B3GALT1: variants seen among roughly 807,000 people sequenced by gnomAD.
B3GALT1 encodes the protein beta-1,3-galactosyltransferase 1, also known as UDP-Gal:betaGlcNAc beta 1,3-galactosyltransferase, polypeptide 1.
A neutral mutation model predicts 23.2 loss-of-function variants in B3GALT1; 10 were observed. The ratio of observed to expected loss-of-function variants is 0.43; its 90% confidence interval spans 0.27 to 0.73. The LOEUF is 0.73. Among genes scored for constraint, B3GALT1 ranks in the 30% least tolerant of loss-of-function variants. B3GALT1 has a pLI of 0.21. For synonymous variants in B3GALT1, 156 were observed against 141.5 expected, an observed-to-expected ratio of 1.10 and a Z score of -0.73; for missense variants, 299 against 405.4, an observed-to-expected ratio of 0.74 and a Z score of 2.25.
At chr2:167,668,641 A>G (rs1432886970) in intron 3 of B3GALT1, among the ~76,000 whole-genome samples, 1 of 152,188 alleles carries the variant, frequency 6.6e-6, no homozygotes, top group African/African-American at 2.4e-5. Context: ...TGTGGGGGAT[A>G]TAATCTCCTG....
chr2:167,866,884 C>A lies in B3GALT1; in HGVS notation c.-229-1927C>A, dbSNP rs193151536. Among the ~76,000 whole-genome samples, 63 of 152,290 alleles carry A rather than the reference C, an allele frequency of 4.1e-4. No homozygotes were observed. The East Asian group carries it at 0.01, about 24-fold the overall frequency. ...TACCATCTTGGGACTCACTTACAAC[C>A]TTTTGTAATTGAAATGGAGTCCATG... On this transcript the variant is annotated intron_variant, in intron 4 of 4. Transcript: ENST00000392690.
At chr2:167,370,082 G>T (rs1697658031) in intron 1 of B3GALT1, among the ~76,000 whole-genome samples, 1 of 152,076 alleles carries the variant, frequency 6.6e-6, no homozygotes, top group African/African-American at 2.4e-5. Flanking sequence ...TGCAAAGGAA[G>T]TTACTCTTAT....
At chr2:167,852,775 A>G (rs1019809935) in intron 4 of B3GALT1, among the ~76,000 whole-genome samples, 2 of 152,182 alleles carry the variant, frequency 1.3e-5, no homozygotes, top group African/African-American at 4.8e-5. Flanking sequence ...CCACTTTTCT[A>G]TGATATCTCA....
intron 2 of B3GALT1, among the ~76,000 whole-genome samples, chr2:167,492,206 G>A (rs909136159): frequency 2.0e-5 from 3 of 152,088 alleles, no homozygotes; most frequent in Admixed American, 2.0e-4. Context: ...ACCTTTTCCA[G>A]AATGACATAT....
At chr2:167,450,793 A>T (rs764469431) in intron 1 of B3GALT1, among the ~76,000 whole-genome samples, 1 of 152,140 alleles carries the variant, frequency 6.6e-6, no homozygotes, top group Non-Finnish European at 1.5e-5. Context: ...TATGTTTTCC[A>T]AACTTTTAGA....
intron 2 of B3GALT1, among the ~76,000 whole-genome samples, chr2:167,576,530 T>C (rs1483806410): frequency 3.4e-5 from 5 of 148,198 alleles, no homozygotes; most frequent in African/African-American, 1.3e-4. Flanking sequence ...GTTTTTTTTT[T>C]TGTTTTTTTT....
At chr2:167,713,541 C>T (rs969005292) in intron 3 of B3GALT1, 6 of 702,356 alleles carry the variant, frequency 8.5e-6, no homozygotes, top group African/African-American at 7.2e-5. Flanking sequence ...GTCCTGAGAA[C>T]TGTAATTCCA....
chr2:167,460,919 T>A (rs1217600775), intron 1 of B3GALT1, among the ~76,000 whole-genome samples: 1 of 152,176 alleles, frequency 6.6e-6, no homozygotes, highest in African/African-American at 2.4e-5. Flanking sequence ...ATTTTCCCTA[T>A]ATATGCAGTT....
intron 2 of B3GALT1, among the ~76,000 whole-genome samples, chr2:167,597,202 G>T (rs977147436): frequency 2.0e-5 from 3 of 148,406 alleles, no homozygotes; most frequent in Admixed American, 6.8e-5. Context: ...TGCAAACTCC[G>T]CCTTCCGGGT....
At chr2:167,802,244 A>T (rs1474272254) in intron 3 of B3GALT1, among the ~76,000 whole-genome samples, 1 of 152,180 alleles carries the variant, frequency 6.6e-6, no homozygotes, top group Non-Finnish European at 1.5e-5. Flanking sequence ...GGTGAACATG[A>T]TTGTCAATTT....
At chr2:167,791,854 T>C (rs909250534) in intron 3 of B3GALT1, among the ~76,000 whole-genome samples, 2 of 151,116 alleles carry the variant, frequency 1.3e-5, no homozygotes, top group African/African-American at 4.9e-5. Context: ...CTCAAAAGAA[T>C]TCACAAAGGT....
At chr2:167,667,751 G>T (rs1019303086) in intron 3 of B3GALT1, among the ~76,000 whole-genome samples, 1 of 152,124 alleles carries the variant, frequency 6.6e-6, no homozygotes, top group African/African-American at 2.4e-5. Context: ...ATCGGCTGAG[G>T]CTTCTGCATT....
At chr2:167,397,819 C>G (rs531216307) in intron 1 of B3GALT1, among the ~76,000 whole-genome samples, 107 of 152,156 alleles carry the variant, frequency 7.0e-4, no homozygotes, top group Middle Eastern at 3.4e-3. Flanking sequence ...TTAAAGACAA[C>G]AGAACTATGA....
At chr2:167,858,075 T>C (rs1316397003) in intron 4 of B3GALT1, among the ~76,000 whole-genome samples, 1 of 152,202 alleles carries the variant, frequency 6.6e-6, no homozygotes, top group African/African-American at 2.4e-5. Flanking sequence ...ATTATGGCTA[T>C]GTAAATATTA....
rs149129554 is a variant in B3GALT1 at position 167,866,780 on chromosome 2, CA to C, written c.-229-2030del. 9.1e-3 allele frequency among the ~76,000 whole-genome samples: 1,382 copies of C among 152,238 alleles called. 15 individuals carry two copies. The highest frequency in any genetic ancestry group is 0.014 in the Non-Finnish European group (951 of 68,024). Reference sequence around the variant, plus strand: ...TGGAGTAGGAAAGTATGCAAGAGGACAGAGCAATATAATGACAAAAGTAGAC... The same window carrying C: ...TGGAGTAGGAAAGTATGCAAGAGGACGAGCAATATAATGACAAAAGTAGAC... On this transcript the variant is annotated intron_variant, in intron 4 of 4. Transcript: ENST00000392690.
intron 1 of B3GALT1, among the ~76,000 whole-genome samples, chr2:167,303,682 C>CAGAGAG (rs1553510007): frequency 4.9e-4 from 73 of 148,794 alleles, no homozygotes; most frequent in East Asian, 1.7e-3. Flanking sequence ...CACACACACA[C>CAGAGAG]AGAGAGAGAC....
chr2:167,544,765 T>G (rs1403148655), intron 2 of B3GALT1, among the ~76,000 whole-genome samples: 1 of 152,118 alleles, frequency 6.6e-6, no homozygotes, highest in Non-Finnish European at 1.5e-5. Flanking sequence ...CAGCTAGTTG[T>G]CAAACAGCAA....
chr2:167,537,825 CT>C (rs530916294), intron 2 of B3GALT1, among the ~76,000 whole-genome samples: 454 of 132,880 alleles, frequency 3.4e-3, no homozygotes, highest in Admixed American at 5.4e-3. Flanking sequence ...GATGCTTGTT[CT>C]TTTTTTTTTT....
intron 2 of B3GALT1, among the ~76,000 whole-genome samples, chr2:167,565,414 A>G (rs1164971702): frequency 2.0e-5 from 3 of 152,138 alleles, no homozygotes; most frequent in African/African-American, 7.2e-5. Flanking sequence ...CTAGAAGAAA[A>G]CCTAAGCATT....
Sources: allele counts gnomAD v4.1 joint callset (sites outside exome capture counted in the v4.1 genomes callset), GRCh38; gene constraint gnomAD v4.1.1; transcripts MANE v1.5; gene names NCBI Gene and HGNC (gene_info 2026-07-23, HGNC 2026-07-21).